The following TMED3 variants were observed in gnomAD, a reference collection of about 807,000 sequenced individuals.
The protein encoded by TMED3 is transmembrane p24 trafficking protein 3.
A neutral mutation model predicts 15.0 loss-of-function variants in TMED3; 9 were observed. The observed-to-expected ratio is 0.60, with a 90% CI of 0.36 to 1.04. The LOEUF is 1.04. Ranked by LOEUF, TMED3 falls within the 50% of genes least tolerant of loss-of-function variation. TMED3 has a pLI of 0.01. For missense variants in TMED3, 267 were observed against 278.9 expected (o/e 0.96, Z 0.30); for synonymous variants, 117 against 121.4 (o/e 0.96, Z 0.24).
chr15:79,311,853 T>G (rs2058716550), intron 1 of TMED3, among the ~76,000 whole-genome samples: 3 of 152,166 alleles, frequency 2.0e-5, no homozygotes, highest in Non-Finnish European at 1.5e-5. Flanking sequence ...TTTAGTTTAT[T>G]CCTCCCCTCT....
At chr15:79,327,776 G>A (rs3947042), downstream of TMED3, among the ~76,000 whole-genome samples, 4,836 of 152,262 alleles carry the variant, frequency 0.032, 126 homozygotes, top group Admixed American at 0.065. Context: ...CTGGCAATTC[G>A]ACAGCTTTTA....
At chr15:79,370,043 C>T (rs932328799) in intron 2 of TMED3, among the ~76,000 whole-genome samples, 4 of 152,110 alleles carry the variant, frequency 2.6e-5, no homozygotes, top group South Asian at 4.1e-4. Flanking sequence ...CACAGTTAGA[C>T]GAACTTGCCC....
At chr15:79,353,005 T>TATATATTATATAAAATATATATATTTTAC (rs2058898633) in intron 2 of TMED3, among the ~76,000 whole-genome samples, 5 of 103,766 alleles carry the variant, frequency 4.8e-5, no homozygotes, top group South Asian at 5.4e-4. Flanking sequence ...TTATATAAAA[T>TATATATTATATAAAATATATATATTTTAC]ATATATTATA....
chr15:79,373,964 G>C (rs975250919), intron 2 of TMED3, among the ~76,000 whole-genome samples: 3 of 152,150 alleles, frequency 2.0e-5, no homozygotes, highest in African/African-American at 7.2e-5. Context: ...TGGAAGCCAA[G>C]GTTCTTGTTA....
intron 2 of TMED3, among the ~76,000 whole-genome samples, chr15:79,387,822 G>T (rs1893646072): frequency 6.6e-6 from 1 of 151,910 alleles, no homozygotes; most frequent in Non-Finnish European, 1.5e-5. Flanking sequence ...TTCTTGTCTG[G>T]ATTCCTACAT....
chr15:79,359,385 C>A (rs1480158557), intron 2 of TMED3, among the ~76,000 whole-genome samples: 1 of 152,006 alleles, frequency 6.6e-6, no homozygotes, highest in African/African-American at 2.4e-5. Flanking sequence ...GGCACCCACA[C>A]CATGCCTGGC....
At chr15:79,410,698 G>GTATATATATATATA (rs71150909) in intron 2 of TMED3, among the ~76,000 whole-genome samples, 1 of 148,922 alleles carries the variant, frequency 6.7e-6, no homozygotes, top group African/African-American at 2.5e-5. Context: ...ATGTGTGTGT[G>GTATATATATATATA]TATATATATA....
intron 2 of TMED3, among the ~76,000 whole-genome samples, chr15:79,329,685 A>G (rs1185890740): frequency 2.0e-5 from 3 of 152,214 alleles, no homozygotes; most frequent in East Asian, 3.9e-4. Flanking sequence ...GGTAGCGGAG[A>G]TAAAAGCAGA....
chr15:79,321,478 C>G (rs540871554), intron 2 of TMED3, among the ~76,000 whole-genome samples: 33 of 152,304 alleles, frequency 2.2e-4, no homozygotes, highest in African/African-American at 7.7e-4. Flanking sequence ...ATACATAAAA[C>G]TATAGGCAGC....
Position 79,313,657 on chromosome 15 carries a change from A to G in TMED3, c.169-100A>G. ...CTGCCTTAGAAAGTTTTGAAGATGA[A>G]GTGACAGAAATGTTTGTAGAGTCTG... On this transcript the variant is annotated intron_variant, in intron 1 of 2. Coordinates refer to ENST00000299705, the MANE Select transcript of TMED3 (RefSeq NM_007364.4). The G allele has an allele frequency of 2.1e-6, 3 of 1,442,796 alleles. No homozygotes were observed. In the South Asian group the frequency reaches 4.3e-5, roughly 21 times the overall value. 89.4% of individuals were successfully genotyped at this position (1,442,796 alleles called of 1,614,324 possible).
chr15:79,329,235 C>A (rs1010111084), intron 2 of TMED3, among the ~76,000 whole-genome samples: 1 of 152,202 alleles, frequency 6.6e-6, no homozygotes, highest in East Asian at 1.9e-4. Context: ...GGCCTTTAGC[C>A]CTTCTCAATA....
chr15:79,412,206 T>G (rs1437297605), exon 3 of TMED3: 2 of 152,294 alleles, frequency 1.3e-5, no homozygotes, highest in African/African-American at 2.4e-5. Flanking sequence ...GCTGGGCCCA[T>G]GGCCATCCCC....
chr15:79,318,919 G>A (rs1354427281), intron 2 of TMED3, among the ~76,000 whole-genome samples: 1 of 152,166 alleles, frequency 6.6e-6, no homozygotes, highest in African/African-American at 2.4e-5. Flanking sequence ...ACCCTTCTTA[G>A]GATCATTTGT....
chr15:79,358,999 A>G (rs1038641164), intron 2 of TMED3, among the ~76,000 whole-genome samples: 3 of 152,172 alleles, frequency 2.0e-5, no homozygotes, highest in Non-Finnish European at 2.9e-5. Context: ...CTGGGAGTGC[A>G]GTGGCTGGAA....
intron 2 of TMED3, among the ~76,000 whole-genome samples, chr15:79,370,256 A>ATTTTTTT (rs398028085): frequency 1.0e-4 from 11 of 104,948 alleles, no homozygotes; most frequent in African/African-American, 1.1e-4. Context: ...TGCCCAGCTA[A>ATTTTTTT]TTTTTTTTTT....
intron 2 of TMED3, among the ~76,000 whole-genome samples, chr15:79,352,278 C>G (rs1315940430): frequency 1.3e-5 from 2 of 152,140 alleles, no homozygotes; most frequent in Non-Finnish European, 2.9e-5. Flanking sequence ...TTCTGAACTT[C>G]CCTTGACCTG....
chr15:79,338,693 C>A (rs1043583226), intron 2 of TMED3, among the ~76,000 whole-genome samples: 1 of 151,924 alleles, frequency 6.6e-6, no homozygotes, highest in Non-Finnish European at 1.5e-5. Context: ...TAGGAAAAAC[C>A]AGGCCATACA....
At position 79,335,700 on chromosome 15, in the gene TMED3, G is replaced by A. The variant is rs114177328; in HGVS notation, c.417+21695G>A. On this transcript the variant is annotated intron_variant, in intron 2 of 2. Coordinates refer to the TMED3 transcript ENST00000424155. The stretch of plus-strand genomic sequence containing the variant: ...AGGCTAGACAACTATGAACAATCTA[G>A]GGACTATAAATGTTATGAAGTCTAA... Among the ~76,000 whole-genome samples the A allele has an allele frequency of 3.9e-3, 594 of 152,154 alleles. 2 individuals carry two copies. Among genetic ancestry groups the A allele is most frequent in the African/African-American group, 0.014 (579 of 41,512 alleles).
At chr15:79,412,160 C>G (rs1370657147) in exon 3 of TMED3, 1 of 151,950 alleles carries the variant, frequency 6.6e-6, no homozygotes, top group Admixed American at 6.6e-5. Context: ...TGGACATGCA[C>G]CAGCCCAGCC....
Sources: gnomAD v4.1 joint callset for allele counts (sites outside exome capture counted in the v4.1 genomes callset) on GRCh38, gnomAD v4.1.1 for gene constraint, MANE v1.5 for transcripts, NCBI Gene and HGNC (gene_info 2026-07-23, HGNC 2026-07-21) for gene names.